Variants in TNFRSF13C observed in about 807,000 individuals in gnomAD.
TNFRSF13C encodes tumor necrosis factor receptor superfamily member 13C.
Under a neutral mutation model 12.1 loss-of-function variants are expected in TNFRSF13C, and 7 were observed. The ratio of observed to expected loss-of-function variants is 0.58; its 90% CI spans 0.33 to 1.08. TNFRSF13C has a LOEUF of 1.08. Ranked by LOEUF, TNFRSF13C falls within the 50% of genes least tolerant of loss-of-function variation. The pLI is 0.04. For synonymous variants in TNFRSF13C, 157 were observed against 130.8 expected, an observed-to-expected ratio of 1.20 and a Z score of -1.37; for missense variants, 260 against 265.9, an observed-to-expected ratio of 0.98 and a Z score of 0.15.
rs554619120 is a variant in TNFRSF13C at position 41,922,952 on chromosome 22, A to C, written c.*2415T>G. ...CCTGACCCCACCAAACCTCTCCCAC[A>C]CCTACTGCTTGTCACTTGACCTCAC... On this transcript the variant is annotated 3_prime_UTR_variant, in exon 3 of 3. Transcript: ENST00000291232. 1 of 152,518 alleles carries C rather than the reference A, an allele frequency of 6.6e-6. No individual in the cohort carries two copies. Among genetic ancestry groups the C allele is most frequent in the East Asian group, 1.9e-4 (1 of 5,178 alleles). 9.4% of individuals were successfully genotyped at this position (152,518 alleles called of 1,614,324 possible).
Position 41,926,369 on chromosome 22 carries a change from C to A in TNFRSF13C, c.137-38G>T. 1 of 968,530 alleles carries A rather than the reference C, an allele frequency of 1.0e-6. No individual in the cohort carries two copies. The highest frequency in any genetic ancestry group is 6.3e-5 in the Admixed American group (1 of 15,758). 60.0% of individuals were successfully genotyped at this position (968,530 alleles called of 1,614,324 possible). On this transcript the variant is annotated intron_variant, in intron 1 of 2. Coordinates refer to ENST00000291232, the MANE Select transcript of TNFRSF13C (RefSeq NM_052945.4). The surrounding 1 kb of genome is among the most constrained non-coding windows in gnomAD (Gnocchi z 4.9). ...GGGACAGGGAGGGAGGCCAGGGGGC[C>A]GAGGGGAGGGAGGAGCGGGGACGGG... is the stretch of plus-strand genomic sequence containing the variant.
chr22:41,925,779 G>A (rs1002465968), intron 2 of TNFRSF13C, among the ~76,000 whole-genome samples: 7 of 152,104 alleles, frequency 4.6e-5, no homozygotes, highest in Admixed American at 1.3e-4. Flanking sequence ...AGGGATTTAT[G>A]GGGGAACCAA....
Position 41,922,133 on chromosome 22 carries a change from A to G in TNFRSF13C, c.*3234T>C, listed in dbSNP as rs1487826826. On this transcript the variant is annotated 3_prime_UTR_variant, in exon 3 of 3. Coordinates refer to ENST00000291232, the MANE Select transcript of TNFRSF13C (RefSeq NM_052945.4). The stretch of plus-strand genomic sequence containing the variant: ...ATGAATTTGTATGTATAGAATGATT[A>G]CAATTATGTAGAAAAATACACCACA... 1.3e-5 allele frequency: 2 copies of G among 152,250 alleles called. No individual in the cohort carries two copies. The highest frequency in any genetic ancestry group is 4.8e-5 in the African/African-American group (2 of 41,474). The allele number at this position is 152,250 out of a possible 1,614,324, so 9.4% of individuals were successfully genotyped here.
chr22:41,925,151 G>A lies in TNFRSF13C; in HGVS notation c.*216C>T, dbSNP rs2077622761. 2 of 552,586 alleles carry A rather than the reference G, an allele frequency of 3.6e-6. No individual in the cohort carries two copies. Among genetic ancestry groups the A allele is most frequent in the South Asian group, 2.4e-5 (1 of 41,620 alleles). The allele number at this position is 552,586 out of a possible 1,614,324, so 34.2% of individuals were successfully genotyped here. A position where few individuals can be genotyped will look rare whatever the true frequency, so the allele number is the denominator to read the frequency against. On this transcript the variant is annotated 3_prime_UTR_variant, in exon 3 of 3. Coordinates refer to ENST00000291232, the MANE Select transcript of TNFRSF13C (RefSeq NM_052945.4). ...ACAGGAGCTGGGCTACCACCTTCAA[G>A]GGCTGTCAAAGATGGTGAGGTCTGA...
In TNFRSF13C at chr22:41,925,531, T is replaced by G; in HGVS notation, c.391A>C (p.Ile131Leu). The stretch of plus-strand genomic sequence containing the variant: ...TCAGAGATTCCCGGAGACAGAATGA[T>G]GACCTTGTCCAGGGGCTCTGGGGCT... ...KDAPEPLDKV[I>L]ILSPGISDAT... is the part of the protein sequence containing the mutation. The change falls in exon 3 of 3, where the codon ATC becomes CTC. Residue 131 changes from isoleucine (I) to leucine (L), a missense_variant. Ile to Leu is a conservative substitution (Grantham distance 5, BLOSUM62 2). Transcript: ENST00000291232. The G allele has an allele frequency of 6.2e-7, 1 of 1,613,300 alleles. No individual in the cohort carries two copies. Among genetic ancestry groups the G allele is most frequent in the Non-Finnish European group, 8.5e-7 (1 of 1,179,990 alleles).
At position 41,925,206 on chromosome 22, in the gene TNFRSF13C, GGGGCTGAATGCTGT is replaced by G. The variant is rs1391170822; in HGVS notation, c.*147_*160del. On this transcript the variant is annotated 3_prime_UTR_variant, in exon 3 of 3. Transcript: ENST00000291232. The stretch of plus-strand genomic sequence containing the variant: ...AAAGGCAAGCACACCAAACTCCATG[GGGGCTGAATGCTGT>G]GGTCTGTAGTGTCTGTGCTTCTGCA... The G allele has an allele frequency of 1.3e-6, 1 of 793,066 alleles. No homozygotes were observed. Among genetic ancestry groups the G allele is most frequent in the African/African-American group, 1.7e-5 (1 of 57,192 alleles). 49.1% of individuals were successfully genotyped at this position (793,066 alleles called of 1,614,324 possible). A position where few individuals can be genotyped will look rare whatever the true frequency, so the allele number is the denominator to read the frequency against.
At position 41,923,186 on chromosome 22, in the gene TNFRSF13C, AG is replaced by A; in HGVS notation, c.*2180del. 1 of 155,486 alleles carries A rather than the reference AG, an allele frequency of 6.4e-6. No homozygotes were observed. Among genetic ancestry groups the A allele is most frequent in the Non-Finnish European group, 1.4e-5 (1 of 68,972 alleles). 9.6% of individuals were successfully genotyped at this position (155,486 alleles called of 1,614,324 possible). ...CTACAGGTGGCTCTGGTGGCAGCTC[AG>A]GGGGAGGCAGGCAGAAAACATCTGA... On this transcript the variant is annotated 3_prime_UTR_variant, in exon 3 of 3. Coordinates refer to ENST00000291232, the MANE Select transcript of TNFRSF13C (RefSeq NM_052945.4).
In TNFRSF13C at chr22:41,926,474, G is replaced by A. The variant is rs944884185; in HGVS notation, c.137-143C>T. ...GTGGACAAGGGGAGGGAGAGAGGCGGCGGTGAGGGCCACGCGGTGATCGCG... is the reference window on the plus strand; with the variant it reads ...GTGGACAAGGGGAGGGAGAGAGGCGACGGTGAGGGCCACGCGGTGATCGCG... On this transcript the variant is annotated intron_variant, in intron 1 of 2. Coordinates refer to ENST00000291232, the MANE Select transcript of TNFRSF13C (RefSeq NM_052945.4). The surrounding 1 kb of genome is among the most constrained non-coding windows in gnomAD (Gnocchi z 4.9). The A allele has an allele frequency of 1.8e-6, 2 of 1,113,572 alleles. No individual in the cohort carries two copies. Among genetic ancestry groups the A allele is most frequent in the East Asian group, 3.2e-5 (1 of 30,882 alleles). 69.0% of individuals were successfully genotyped at this position (1,113,572 alleles called of 1,614,324 possible).
chr22:41,925,189 G>A lies in TNFRSF13C; in HGVS notation c.*178C>T, dbSNP rs1051597250. The A allele has an allele frequency of 2.9e-6, 2 of 698,594 alleles. No individual in the cohort carries two copies. Among genetic ancestry groups the A allele is most frequent in the Non-Finnish European group, 4.6e-6 (2 of 431,720 alleles). 43.3% of individuals were successfully genotyped at this position (698,594 alleles called of 1,614,324 possible). On this transcript the variant is annotated 3_prime_UTR_variant, in exon 3 of 3. Transcript: ENST00000291232. ...TGGTGAGGTCTGAAGCCAAAGGCAAGCACACCAAACTCCATGGGGGCTGAA... is the reference window on the plus strand; with the variant it reads ...TGGTGAGGTCTGAAGCCAAAGGCAAACACACCAAACTCCATGGGGGCTGAA...
Position 41,926,709 on chromosome 22 carries a change from G to A in TNFRSF13C, c.65C>T (p.Ala22Val). The A allele has an allele frequency of 6.9e-7, 1 of 1,452,986 alleles. No homozygotes were observed. Among genetic ancestry groups the A allele is most frequent in the Non-Finnish European group, 9.0e-7 (1 of 1,107,366 alleles). 90.0% of individuals were successfully genotyped at this position (1,452,986 alleles called of 1,614,324 possible). A position where few individuals can be genotyped will look rare whatever the true frequency, so the allele number is the denominator to read the frequency against. ...GCGGACCAGCAGGTCGAAGCACTCGGCCGGGACGCAGGGCGTGGGGGCTGG... is the reference window on the plus strand; with the variant it reads ...GCGGACCAGCAGGTCGAAGCACTCGACCGGGACGCAGGGCGTGGGGGCTGG... ...DAPAPTPCVP[A>V]ECFDLLVRHC... Residue 22 changes from alanine to valine, a missense_variant, in exon 1 of 3, where the codon GCC becomes GTC. Transcript: ENST00000291232. The surrounding 1 kb of genome is among the most constrained non-coding windows in gnomAD (Gnocchi z 4.9).
Position 41,922,152 on chromosome 22 carries a change from C to A in TNFRSF13C, c.*3215G>T, listed in dbSNP as rs1475816216. The A allele has an allele frequency of 6.6e-6, 1 of 152,214 alleles. No homozygotes were observed. The highest frequency in any genetic ancestry group is 1.5e-5 in the Non-Finnish European group (1 of 68,046). The allele number at this position is 152,214 out of a possible 1,614,324, so 9.4% of individuals were successfully genotyped here. ...ATGATTACAATTATGTAGAAAAATA[C>A]ACCACACACTCGAGGCCTGGGGTTA... On this transcript the variant is annotated 3_prime_UTR_variant, in exon 3 of 3. Transcript: ENST00000291232.
chr22:41,925,633 A>AGTCCTCCGTC, intron 2 of TNFRSF13C, 79 bp from the exon 3 acceptor site: 1 of 1,545,466 alleles, frequency 6.5e-7, no homozygotes, highest in Non-Finnish European at 8.8e-7. Context: ...CTGGAGGGGC[A>AGTCCTCCGTC]GTCCTCCGTC....
rs528942591 is a variant in TNFRSF13C, at chr22:41,925,082, G to A, written c.*285C>T. The A allele has an allele frequency of 3.3e-6, 1 of 305,340 alleles. No homozygotes were observed. The highest frequency in any genetic ancestry group is 2.2e-5 in the African/African-American group (1 of 46,196). The allele number at this position is 305,340 out of a possible 1,614,324, so 18.9% of individuals were successfully genotyped here. Reference sequence around the variant, plus strand: ...TAATGGTGCCTTCCCCATTTTAAAAGCGGTCTTTTACTCATAGTGCCCCAG... The same window carrying A: ...TAATGGTGCCTTCCCCATTTTAAAAACGGTCTTTTACTCATAGTGCCCCAG... On this transcript the variant is annotated 3_prime_UTR_variant, in exon 3 of 3. Transcript: ENST00000291232.
chr22:41,926,483 G>A lies in TNFRSF13C; in HGVS notation c.137-152C>T. 1 of 1,148,632 alleles carries A rather than the reference G, an allele frequency of 8.7e-7. No homozygotes were observed. Among genetic ancestry groups the A allele is most frequent in the Non-Finnish European group, 1.1e-6 (1 of 881,996 alleles). The allele number at this position is 1,148,632 out of a possible 1,614,324, so 71.2% of individuals were successfully genotyped here. ...GGGAGGGAGAGAGGCGGCGGTGAGGGCCACGCGGTGATCGCGGGCCCCTCC... is the reference window on the plus strand; with the variant it reads ...GGGAGGGAGAGAGGCGGCGGTGAGGACCACGCGGTGATCGCGGGCCCCTCC... On this transcript the variant is annotated intron_variant, in intron 1 of 2. Transcript: ENST00000291232. This position sits in a 1 kb window ranked among gnomAD's most constrained non-coding sequence, Gnocchi z 4.9.
At chr22:41,925,951 C>T in intron 2 of TNFRSF13C, 150 bp downstream of exon 2, 2 of 1,132,616 alleles carry the variant, frequency 1.8e-6, no homozygotes, top group Non-Finnish European at 2.5e-6. Flanking sequence ...CCAGCCTGAG[C>T]TCCTCAGCGC....
At position 41,926,313 on chromosome 22, in the gene TNFRSF13C, G is replaced by C; in HGVS notation, c.155C>G (p.Ala52Gly). 2 of 1,442,938 alleles carry C rather than the reference G, an allele frequency of 1.4e-6. No individual in the cohort carries two copies. The highest frequency in any genetic ancestry group is 2.8e-5 in the South Asian group (2 of 71,398). 89.4% of individuals were successfully genotyped at this position (1,442,938 alleles called of 1,614,324 possible). A position where few individuals can be genotyped will look rare whatever the true frequency, so the allele number is the denominator to read the frequency against. ...CTGCGGCTGCAGCGCCGTCCTGGGC[G>C]CAGGGCTGCTGGCCCCGGCTGCTTC... Reference protein sequence around the residue: ...RPKPAGASSPAPRTALQPQES... With the variant: ...RPKPAGASSPGPRTALQPQES... The change falls in exon 2 of 3, where the codon GCG (alanine) becomes GGG (glycine). Residue 52 changes from alanine (A) to glycine (G), a missense_variant. Coordinates refer to ENST00000291232, the MANE Select transcript of TNFRSF13C (RefSeq NM_052945.4). This position sits in a 1 kb window ranked among gnomAD's most constrained non-coding sequence, Gnocchi z 4.9.
chr22:41,925,433 C>T lies in TNFRSF13C; in HGVS notation c.489G>A (p.Val163=), dbSNP rs752272271. ...CAGTGGAGCCCAGCTCTGTGGCTGGCACAGGGACACTGTGGCCAGGTGGGG... is the reference window on the plus strand; with the variant it reads ...CAGTGGAGCCCAGCTCTGTGGCTGGTACAGGGACACTGTGGCCAGGTGGGG... The part of the protein sequence containing the change: ...GTTPPGHSVP[V]PATELGSTEL... Residue 163 remains valine, a synonymous_variant, in exon 3 of 3, where the codon GTG becomes GTA. Coordinates refer to ENST00000291232, the MANE Select transcript of TNFRSF13C (RefSeq NM_052945.4). 2 of 1,611,394 alleles carry T rather than the reference C, an allele frequency of 1.2e-6. No individual in the cohort carries two copies. Among genetic ancestry groups the T allele is most frequent in the African/African-American group, 1.3e-5 (1 of 75,022 alleles).
Position 41,926,094 on chromosome 22 carries a change from A to T in TNFRSF13C, c.367+7T>A. 6.2e-7 allele frequency: 1 copy of T among 1,612,416 alleles called. No individual in the cohort carries two copies. Among genetic ancestry groups the T allele is most frequent in the Non-Finnish European group, 8.5e-7 (1 of 1,179,750 alleles). ...CTCAGACTGGTTCCCCTACACACGG[A>T]ACTCACCGTCCTTGTCTCCGTCGGG... On this transcript the variant is annotated splice_region_variant and intron_variant, in intron 2 of 2. Transcript: ENST00000291232. The surrounding 1 kb of genome is among the most constrained non-coding windows in gnomAD (Gnocchi z 4.9).
Position 41,926,582 on chromosome 22 carries a change from G to A in TNFRSF13C, c.136+56C>T. On this transcript the variant is annotated intron_variant, in intron 1 of 2. Transcript: ENST00000291232. This position sits in a 1 kb window ranked among gnomAD's most constrained non-coding sequence, Gnocchi z 4.9. ...GGGCTCTGCCTGCGCCCTGGCGATC[G>A]GGGCCCCGTTCTCCCCGCAGCTGCC... The A allele has an allele frequency of 7.3e-7, 1 of 1,367,672 alleles. No homozygotes were observed. Among genetic ancestry groups the A allele is most frequent in the Non-Finnish European group, 9.4e-7 (1 of 1,065,914 alleles). 84.7% of individuals were successfully genotyped at this position (1,367,672 alleles called of 1,614,324 possible). A position where few individuals can be genotyped will look rare whatever the true frequency, so the allele number is the denominator to read the frequency against.
Sources: allele counts gnomAD v4.1 joint callset (sites outside exome capture counted in the v4.1 genomes callset), GRCh38; gene constraint gnomAD v4.1.1; non-coding constraint Gnocchi (gnomAD v3.1); transcripts MANE v1.5; gene names NCBI Gene and HGNC (gene_info 2026-07-23, HGNC 2026-07-21).